KCNQ1: variants seen among roughly 807,000 people sequenced by gnomAD.
KCNQ1 encodes the protein potassium voltage-gated channel subfamily KQT member 1.
Under a neutral mutation model 72.4 loss-of-function variants are expected in KCNQ1, and 49 were observed. The ratio of observed to expected loss-of-function variants is 0.68; its 90% CI spans 0.54 to 0.86. The LOEUF (loss-of-function observed/expected upper bound fraction) is 0.86. Ranked by LOEUF, KCNQ1 falls within the 40% of genes least tolerant of loss-of-function variation. KCNQ1 has a pLI of 0.00. For missense variants in KCNQ1, 790 were observed against 945.1 expected, an observed-to-expected ratio of 0.84 and a Z score of 2.15; for synonymous variants, 450 against 412.6, an observed-to-expected ratio of 1.09 and a Z score of -1.10.
intron 1 of KCNQ1, among the ~76,000 whole-genome samples, chr11:2,517,957 A>G (rs2133628433): frequency 6.6e-6 from 1 of 152,362 alleles, no homozygotes; most frequent in East Asian, 1.9e-4. Flanking sequence ...TGGGATAGGA[A>G]GGAAAAGAAC....
At chr11:2,577,099 C>T (rs536989497) in intron 6 of KCNQ1, among the ~76,000 whole-genome samples, 22 of 152,340 alleles carry the variant, frequency 1.4e-4, no homozygotes, top group African/African-American at 4.8e-4. Context: ...CCCTCTGCTG[C>T]GGAGACTTTC....
intron 15 of KCNQ1, among the ~76,000 whole-genome samples, chr11:2,806,170 G>C (rs1847369445): frequency 6.6e-6 from 1 of 152,168 alleles, no homozygotes; most frequent in African/African-American, 2.4e-5. Context: ...ACGTGTCTCT[G>C]GAGGGTGGAC....
rs755636857 is a variant in KCNQ1, at chr11:2,670,288, CATAGGTGCCCA to C, written c.1514+8210_1514+8220del. 30 of 398,456 alleles carry C rather than the reference CATAGGTGCCCA, an allele frequency of 7.5e-5. No homozygotes were observed. Among genetic ancestry groups the C allele is most frequent in the Admixed American group, 7.5e-4 (17 of 22,712 alleles). The allele number at this position is 398,456 out of a possible 1,614,324, so 24.7% of individuals were successfully genotyped here. ...CATGGTAGCTTGTCTCTAGGCAACCCATAGGTGCCCAATGGAGAGATAATCTCAAATATGGT... is the reference window on the plus strand; with the variant it reads ...CATGGTAGCTTGTCTCTAGGCAACCCATGGAGAGATAATCTCAAATATGGT... On this transcript the variant is annotated intron_variant, in intron 11 of 15. Transcript: ENST00000155840. The surrounding 1 kb of genome is among the most constrained non-coding windows in gnomAD (Gnocchi z 4.9).
chr11:2,561,506 C>G (rs1848166703), intron 2 of KCNQ1, among the ~76,000 whole-genome samples: 1 of 152,240 alleles, frequency 6.6e-6, no homozygotes, highest in Non-Finnish European at 1.5e-5. Flanking sequence ...CCACTGTTGT[C>G]ATTTCGCCCT....
chr11:2,667,157 C>CAA (rs2133863599), intron 11 of KCNQ1: 1 of 398,674 alleles, frequency 2.5e-6, no homozygotes, highest in African/African-American at 2.1e-5. Flanking sequence ...CAGATGCCCT[C>CAA]AATCTGGCTT....
chr11:2,578,573 C>T (rs1255692087), intron 6 of KCNQ1, among the ~76,000 whole-genome samples: 1 of 152,238 alleles, frequency 6.6e-6, no homozygotes, highest in Non-Finnish European at 1.5e-5. Flanking sequence ...GGGAGGGCGC[C>T]CTTGGCCCAG....
chr11:2,763,702 T>C (rs1846448451), intron 11 of KCNQ1, among the ~76,000 whole-genome samples: 1 of 152,062 alleles, frequency 6.6e-6, no homozygotes, highest in African/African-American at 2.4e-5. Flanking sequence ...GAAGCACAGG[T>C]ACACACCACC....
At chr11:2,618,724 T>C in intron 10 of KCNQ1, 1 of 398,552 alleles carries the variant, frequency 2.5e-6, no homozygotes, top group East Asian at 3.6e-5. Flanking sequence ...AAAAAAATTT[T>C]CCATGGGATT....
intron 15 of KCNQ1, among the ~76,000 whole-genome samples, chr11:2,825,062 T>C (rs1847812073): frequency 6.6e-6 from 1 of 152,172 alleles, no homozygotes; most frequent in Admixed American, 6.5e-5. Context: ...ATGTGGCTGG[T>C]GCAGGAGGCG....
rs369225407 is a variant in KCNQ1 at position 2,603,505 on chromosome 11, A to G, written c.1393+14651A>G. 3.9e-5 allele frequency among the ~76,000 whole-genome samples: 6 copies of G among 152,108 alleles called. No homozygotes were observed. In the East Asian group the frequency reaches 7.7e-4, roughly 20 times the overall value. On this transcript the variant is annotated intron_variant, in intron 10 of 15. Transcript: ENST00000155840. The surrounding 1 kb of genome is among the most constrained non-coding windows in gnomAD (Gnocchi z 4.1). The stretch of plus-strand genomic sequence containing the variant: ...TTTTTATCATTCCAAAAAGAAACCC[A>G]GTGCCTTTTAAATATCACCCCCAAA...
Position 2,497,131 on chromosome 11 carries a change from C to A in KCNQ1, c.387-30797C>A, listed in dbSNP as rs1020215331. Among the ~76,000 whole-genome samples, 1 of 152,082 alleles carries A rather than the reference C, an allele frequency of 6.6e-6. No individual in the cohort carries two copies. The highest frequency in any genetic ancestry group is 6.5e-5 in the Admixed American group (1 of 15,278). ...TTCATTTAAACCTTGGAGAATCTGA[C>A]AATTATATGTCTTGGGGTTGCTCTT... is the stretch of plus-strand genomic sequence containing the variant. On this transcript the variant is annotated intron_variant, in intron 1 of 15. Coordinates refer to ENST00000155840, the MANE Select transcript of KCNQ1 (RefSeq NM_000218.3). This position sits in a 1 kb window ranked among gnomAD's most constrained non-coding sequence, Gnocchi z 4.5.
At chr11:2,467,960 G>T (rs960674001) in intron 1 of KCNQ1, among the ~76,000 whole-genome samples, 1 of 152,202 alleles carries the variant, frequency 6.6e-6, no homozygotes, top group Non-Finnish European at 1.5e-5. Flanking sequence ...GCCCAGCGTG[G>T]GGACCTGCCC....
At chr11:2,615,109 CCTT>C in intron 10 of KCNQ1, 2 of 398,178 alleles carry the variant, frequency 5.0e-6, no homozygotes, top group Non-Finnish European at 8.9e-6. Context: ...AAGTCTTTCA[CCTT>C]CTTGTTTTAA....
At position 2,456,949 on chromosome 11, in the gene KCNQ1, A is replaced by C. The variant is rs1008348531; in HGVS notation, c.386+11465A>C. Among the ~76,000 whole-genome samples the C allele has an allele frequency of 4.1e-5, 6 of 144,820 alleles. 1 individual carries two copies. Among genetic ancestry groups the C allele is most frequent in the Non-Finnish European group, 8.9e-5 (6 of 67,390 alleles). On this transcript the variant is annotated intron_variant, in intron 1 of 15. Coordinates refer to ENST00000155840, the MANE Select transcript of KCNQ1 (RefSeq NM_000218.3). The stretch of plus-strand genomic sequence containing the variant: ...GCAAGACTCGGTCTCAAAAAAAAAA[A>C]AAAAAAAAAAAAAAAACCCAAAAAA...
At position 2,579,278 on chromosome 11, in the gene KCNQ1, A is replaced by G. The variant is rs1422791344; in HGVS notation, c.922-4157A>G. ...ACATGGGGGGACTAGAAGGCTCCCCATGCCTCCCGCCCCTTCACATGGGAG... is the reference window on the plus strand; with the variant it reads ...ACATGGGGGGACTAGAAGGCTCCCCGTGCCTCCCGCCCCTTCACATGGGAG... On this transcript the variant is annotated intron_variant, in intron 6 of 15. Coordinates refer to ENST00000155840, the MANE Select transcript of KCNQ1 (RefSeq NM_000218.3). The surrounding 1 kb of genome is among the most constrained non-coding windows in gnomAD (Gnocchi z 6.0). 1.3e-5 allele frequency among the ~76,000 whole-genome samples: 2 copies of G among 152,136 alleles called. No homozygotes were observed. The highest frequency in any genetic ancestry group is 2.9e-5 in the Non-Finnish European group (2 of 68,004).
intron 5 of KCNQ1, 57 bp from the exon 6 acceptor site, chr11:2,572,789 C>CA: frequency 6.2e-7 from 1 of 1,610,378 alleles, no homozygotes; most frequent in South Asian, 1.1e-5. Flanking sequence ...GGCGTCTGCA[C>CA]AGGAGGCTCC....
rs998251012 is a variant in KCNQ1 at position 2,653,248 on chromosome 11, C to T, written c.1394-8713C>T. 1.0e-5 allele frequency: 4 copies of T among 398,626 alleles called. No homozygotes were observed. Among genetic ancestry groups the T allele is most frequent in the Middle Eastern group, 6.2e-4 (1 of 1,612 alleles). The allele number at this position is 398,626 out of a possible 1,614,324, so 24.7% of individuals were successfully genotyped here. A position where few individuals can be genotyped will look rare whatever the true frequency, so the allele number is the denominator to read the frequency against. On this transcript the variant is annotated intron_variant, in intron 10 of 15. Coordinates refer to ENST00000155840, the MANE Select transcript of KCNQ1 (RefSeq NM_000218.3). This position sits in a 1 kb window ranked among gnomAD's most constrained non-coding sequence, Gnocchi z 5.3. ...TCAGGCCAGCTTCTTTCCCACAAGCCTTCTCCCTGCCCTCTGCCCTGAAAA... is the reference window on the plus strand; with the variant it reads ...TCAGGCCAGCTTCTTTCCCACAAGCTTTCTCCCTGCCCTCTGCCCTGAAAA...
chr11:2,608,733 C>T lies in KCNQ1; in HGVS notation c.1393+19879C>T, dbSNP rs981613711. 1.0e-5 allele frequency: 4 copies of T among 398,316 alleles called. No homozygotes were observed. The highest frequency in any genetic ancestry group is 6.2e-5 in the African/African-American group (3 of 48,398). The allele number at this position is 398,316 out of a possible 1,614,324, so 24.7% of individuals were successfully genotyped here. On this transcript the variant is annotated intron_variant, in intron 10 of 15. Coordinates refer to ENST00000155840, the MANE Select transcript of KCNQ1 (RefSeq NM_000218.3). The surrounding 1 kb of genome is among the most constrained non-coding windows in gnomAD (Gnocchi z 4.6). ...CGAACTCCTGGCCACAAGCAATTCT[C>T]CTGCCTTGGCCTCCCAAAGTGCTGG...
At chr11:2,631,697 G>T in intron 10 of KCNQ1, 1 of 398,532 alleles carries the variant, frequency 2.5e-6, no homozygotes, top group Non-Finnish European at 4.4e-6. Context: ...GTGTTAAGTA[G>T]GTAGGGTGCA....
Sources: gnomAD v4.1 joint callset for allele counts (sites outside exome capture counted in the v4.1 genomes callset) on GRCh38, gnomAD v4.1.1 for gene constraint, Gnocchi (gnomAD v3.1) non-coding constraint, MANE v1.5 for transcripts, NCBI Gene and HGNC (gene_info 2026-07-23, HGNC 2026-07-21) for gene names.